Variants in ERC2 observed in about 807,000 individuals in gnomAD.
ERC2 encodes the protein ERC protein 2.
Under a neutral mutation model 114.8 loss-of-function variants are expected in ERC2, and 42 were observed. That is an observed-to-expected ratio of 0.37 (90% CI 0.29 to 0.47). The LOEUF (loss-of-function observed/expected upper bound fraction) is 0.47, where lower values mean the gene tolerates loss of function less well. Ranked by LOEUF, ERC2 falls within the 20% of genes least tolerant of loss-of-function variation. The pLI is 0.99. For missense variants in ERC2, 939 were observed against 1,150.7 expected, an observed-to-expected ratio of 0.82 and a Z score of 2.66; for synonymous variants, 454 against 425.5, an observed-to-expected ratio of 1.07 and a Z score of -0.82.
At chr3:56,269,531 A>G (rs1323906409) in intron 3 of ERC2, among the ~76,000 whole-genome samples, 1 of 152,216 alleles carries the variant, frequency 6.6e-6, no homozygotes, top group Non-Finnish European at 1.5e-5. Flanking sequence ...CTACAGACAC[A>G]AATATTGTCA....
chr3:55,585,103 G>A (rs2057531313), intron 17 of ERC2, among the ~76,000 whole-genome samples: 1 of 152,202 alleles, frequency 6.6e-6, no homozygotes, highest in African/African-American at 2.4e-5. Flanking sequence ...CTAAGATTCA[G>A]TGATTAGCAT....
At chr3:56,018,681 G>A (rs772203308) in intron 8 of ERC2, among the ~76,000 whole-genome samples, 5 of 152,152 alleles carry the variant, frequency 3.3e-5, no homozygotes, top group Non-Finnish European at 7.3e-5. Context: ...AGCCAAGAGT[G>A]ATGTAATCAG....
At chr3:56,440,022 A>G (rs955599735) in intron 1 of ERC2, among the ~76,000 whole-genome samples, 1 of 152,234 alleles carries the variant, frequency 6.6e-6, no homozygotes, top group Non-Finnish European at 1.5e-5. Flanking sequence ...TGTAACATAT[A>G]TATTTTCCAA....
At chr3:55,982,017 G>C (rs958531588) in intron 12 of ERC2, among the ~76,000 whole-genome samples, 5 of 152,164 alleles carry the variant, frequency 3.3e-5, no homozygotes, top group African/African-American at 9.7e-5. Context: ...TCCTGCCCTG[G>C]CTTTAGAGGG....
chr3:55,918,702 A>T (rs2065242967), intron 13 of ERC2, among the ~76,000 whole-genome samples: 1 of 151,628 alleles, frequency 6.6e-6, no homozygotes, highest in South Asian at 2.1e-4. Context: ...CTATCATAGG[A>T]TAAGAAGCCA....
intron 6 of ERC2, among the ~76,000 whole-genome samples, chr3:56,131,736 T>C (rs369364746): frequency 5.6e-4 from 86 of 152,252 alleles, no homozygotes; most frequent in African/African-American, 1.9e-3. Flanking sequence ...GATACAAAAT[T>C]ACAGCTAGAT....
chr3:56,101,232 A>G (rs745778997), intron 6 of ERC2, among the ~76,000 whole-genome samples: 1 of 152,174 alleles, frequency 6.6e-6, no homozygotes, highest in Non-Finnish European at 1.5e-5. Context: ...GCACCTCCGT[A>G]ACTCATATCA....
chr3:55,961,677 C>CT (rs2068379153), intron 12 of ERC2, among the ~76,000 whole-genome samples: 1 of 149,718 alleles, frequency 6.7e-6, no homozygotes, highest in Admixed American at 6.8e-5. Flanking sequence ...ACAAGTCCCC[C>CT]TTTTTTGCCA....
At chr3:55,864,021 G>A (rs2062143314) in intron 14 of ERC2, among the ~76,000 whole-genome samples, 1 of 150,014 alleles carries the variant, frequency 6.7e-6, no homozygotes, top group African/African-American at 2.4e-5. Context: ...ATAGCAGGAT[G>A]ATATGTAGCT....
chr3:55,534,376 T>A (rs1353767103), intron 17 of ERC2, among the ~76,000 whole-genome samples: 3 of 136,336 alleles, frequency 2.2e-5, no homozygotes, highest in Non-Finnish European at 3.1e-5. Flanking sequence ...CCAACCTGGA[T>A]GACAGAGTGA....
intron 2 of ERC2, among the ~76,000 whole-genome samples, chr3:56,411,511 T>C (rs1192363595): frequency 6.6e-6 from 1 of 152,136 alleles, no homozygotes; most frequent in Non-Finnish European, 1.5e-5. Context: ...GGCTGTTCCT[T>C]GCTATAGTTT....
At chr3:55,682,330 T>C (rs531139613) in intron 17 of ERC2, among the ~76,000 whole-genome samples, 22 of 152,270 alleles carry the variant, frequency 1.4e-4, no homozygotes, top group African/African-American at 5.1e-4. Flanking sequence ...CGTTTTCCCC[T>C]TTGCCAAGAA....
Position 55,743,261 on chromosome 3 carries a change from G to C in ERC2, c.2565-8343C>G, listed in dbSNP as rs747541141. 4.1e-5 allele frequency among the ~76,000 whole-genome samples: 6 copies of C among 147,328 alleles called. No individual in the cohort carries two copies. The East Asian group carries it at 1.2e-3, about 29-fold the overall frequency. On this transcript the variant is annotated intron_variant, in intron 14 of 17. Transcript: ENST00000288221. ...AGCCAGGGAGGTGGCTGGCCCATCC[G>C]GCGGTTCCTCCAGTTTCTCCAACTG...
chr3:55,594,509 T>A (rs958162992), intron 17 of ERC2, among the ~76,000 whole-genome samples: 1 of 151,660 alleles, frequency 6.6e-6, no homozygotes, highest in Non-Finnish European at 1.5e-5. Context: ...TGAGATGGAG[T>A]CTTGATCTGT....
intron 17 of ERC2, among the ~76,000 whole-genome samples, chr3:55,622,954 C>T (rs1403062984): frequency 6.6e-6 from 1 of 152,174 alleles, no homozygotes; most frequent in Admixed American, 6.5e-5. Context: ...ACACAAAATT[C>T]CCCAGCTGTG....
intron 2 of ERC2, among the ~76,000 whole-genome samples, chr3:56,430,404 C>A (rs989237799): frequency 2.2e-4 from 33 of 152,182 alleles, no homozygotes; most frequent in Non-Finnish European, 2.9e-5. Context: ...AAATTCTGGC[C>A]AGGTACAGTG....
chr3:55,986,887 C>G (rs1465119710), intron 11 of ERC2, among the ~76,000 whole-genome samples: 1 of 151,986 alleles, frequency 6.6e-6, no homozygotes, highest in Non-Finnish European at 1.5e-5. Context: ...TTTTGTTGAT[C>G]TGTAAAATGC....
intron 14 of ERC2, among the ~76,000 whole-genome samples, chr3:55,869,126 C>T (rs1040123482): frequency 6.6e-6 from 1 of 152,092 alleles, no homozygotes; most frequent in Admixed American, 6.5e-5. Context: ...AATGTTGCTA[C>T]GCATTTTGGA....
At chr3:55,694,375 A>G (rs774784870) in intron 16 of ERC2, among the ~76,000 whole-genome samples, 17 of 152,210 alleles carry the variant, frequency 1.1e-4, no homozygotes, top group Non-Finnish European at 2.2e-4. Context: ...TAAGGGCCAG[A>G]CATGTGTGAA....
Sources: allele counts gnomAD v4.1 joint callset (sites outside exome capture counted in the v4.1 genomes callset), GRCh38; gene constraint gnomAD v4.1.1; transcripts MANE v1.5; gene names NCBI Gene and HGNC (gene_info 2026-07-23, HGNC 2026-07-21).